Variants in PLPPR1 observed in about 807,000 individuals in gnomAD.
PLPPR1 encodes phospholipid phosphatase related 1, also known as phospholipid phosphatase-related protein type 1.
PLPPR1 carries 10 observed loss-of-function variants against 33.1 expected under a neutral mutation model. The ratio of observed to expected loss-of-function variants is 0.30; its 90% CI spans 0.19 to 0.51. PLPPR1 has a LOEUF of 0.51. PLPPR1 is among the 20% of genes least tolerant of loss of function. The probability of loss-of-function intolerance (pLI) is 0.97; values close to 1 mark genes in which losing one functional copy is unlikely to be tolerated. For synonymous variants in PLPPR1, 151 were observed against 151.0 expected, an observed-to-expected ratio of 1.00 and a Z score of 0.00; for missense variants, 304 against 408.1, an observed-to-expected ratio of 0.74 and a Z score of 2.20.
chr9:101,234,863 T>C (rs907530559), intron 2 of PLPPR1, among the ~76,000 whole-genome samples: 2 of 151,950 alleles, frequency 1.3e-5, no homozygotes, highest in Non-Finnish European at 2.9e-5. Flanking sequence ...TATTGATGTG[T>C]ATCTGTGTTT....
At chr9:101,314,601 CT>C (rs1387866816) in intron 6 of PLPPR1, among the ~76,000 whole-genome samples, 1 of 145,370 alleles carries the variant, frequency 6.9e-6, no homozygotes, top group Non-Finnish European at 1.5e-5. Context: ...AGCATTATGT[CT>C]AAAAAAAAAA....
At chr9:101,172,763 G>A (rs1002464952) in intron 1 of PLPPR1, among the ~76,000 whole-genome samples, 1 of 152,016 alleles carries the variant, frequency 6.6e-6, no homozygotes, top group Non-Finnish European at 1.5e-5. Flanking sequence ...ACCCAACTCA[G>A]GGTGATCGCT....
At chr9:101,113,256 A>C (rs1831079437) in intron 1 of PLPPR1, among the ~76,000 whole-genome samples, 1 of 151,784 alleles carries the variant, frequency 6.6e-6, no homozygotes, top group East Asian at 1.9e-4. Context: ...CTCCAGTGTG[A>C]AAACTAAATA....
intron 1 of PLPPR1, among the ~76,000 whole-genome samples, chr9:101,062,597 G>A (rs1830360586): frequency 6.6e-6 from 1 of 152,042 alleles, no homozygotes; most frequent in Admixed American, 6.6e-5. Flanking sequence ...TAGGGAACAT[G>A]TTTAGAACAT....
chr9:101,180,047 T>C (rs1213318306), intron 1 of PLPPR1, among the ~76,000 whole-genome samples: 1 of 146,222 alleles, frequency 6.8e-6, no homozygotes, highest in Non-Finnish European at 1.5e-5. Context: ...AGATGGCCTA[T>C]TGTGGGACCA....
At chr9:101,088,357 T>A (rs1230103220) in intron 1 of PLPPR1, among the ~76,000 whole-genome samples, 1 of 152,114 alleles carries the variant, frequency 6.6e-6, no homozygotes, top group Non-Finnish European at 1.5e-5. Flanking sequence ...AACGTCATGA[T>A]GTACACCTTA....
intron 2 of PLPPR1, among the ~76,000 whole-genome samples, chr9:101,264,860 T>A (rs980462895): frequency 6.6e-6 from 1 of 152,186 alleles, no homozygotes; most frequent in African/African-American, 2.4e-5. Flanking sequence ...AACTGGATTG[T>A]TGATCACCTA....
At chr9:101,284,072 G>T (rs1387178231) in intron 3 of PLPPR1, among the ~76,000 whole-genome samples, 1 of 151,810 alleles carries the variant, frequency 6.6e-6, no homozygotes, top group Non-Finnish European at 1.5e-5. Context: ...CCATATGGAG[G>T]TGCCTCAAAA....
At chr9:101,187,340 C>G (rs1031497192) in intron 2 of PLPPR1, 1 of 151,668 alleles carries the variant, frequency 6.6e-6, no homozygotes, top group East Asian at 1.9e-4. Context: ...ATTTTCAGCT[C>G]TCTAATGTGT....
intron 2 of PLPPR1, among the ~76,000 whole-genome samples, chr9:101,239,832 C>G (rs1168098976): frequency 6.6e-6 from 1 of 152,022 alleles, no homozygotes; most frequent in African/African-American, 2.4e-5. Flanking sequence ...CAAATATTTT[C>G]TCCCATTCTA....
intron 2 of PLPPR1, among the ~76,000 whole-genome samples, chr9:101,217,299 T>C (rs528125388): frequency 1.3e-5 from 2 of 152,244 alleles, no homozygotes; most frequent in East Asian, 1.9e-4. Context: ...AGGGAAATCA[T>C]AGAAAAAGAA....
At chr9:101,180,191 T>C (rs572526003) in intron 1 of PLPPR1, among the ~76,000 whole-genome samples, 4 of 135,044 alleles carry the variant, frequency 3.0e-5, no homozygotes, top group Non-Finnish European at 4.9e-5. Context: ...CACACATATA[T>C]ACACATACAC....
At chr9:101,169,166 C>G (rs1356791764) in intron 1 of PLPPR1, among the ~76,000 whole-genome samples, 1 of 152,074 alleles carries the variant, frequency 6.6e-6, no homozygotes. Flanking sequence ...AATGTCTCAT[C>G]CCTTTTGGGG....
intron 1 of PLPPR1, among the ~76,000 whole-genome samples, chr9:101,085,650 A>C (rs1830666244): frequency 6.6e-6 from 1 of 152,222 alleles, no homozygotes; most frequent in African/African-American, 2.4e-5. Context: ...GTCATAATTC[A>C]TTAACTTTTG....
At chr9:101,288,679 G>A (rs1267402135) in intron 4 of PLPPR1, among the ~76,000 whole-genome samples, 2 of 152,126 alleles carry the variant, frequency 1.3e-5, no homozygotes, top group African/African-American at 2.4e-5. Context: ...TACGCCATCT[G>A]GGAACTTGTT....
chr9:101,238,267 CTA>C (rs1294360091), intron 2 of PLPPR1, among the ~76,000 whole-genome samples: 2 of 133,596 alleles, frequency 1.5e-5, no homozygotes, highest in Non-Finnish European at 3.2e-5. Flanking sequence ...TATATACACC[CTA>C]TATATACATC....
chr9:101,237,588 T>C (rs1827329172), intron 2 of PLPPR1, among the ~76,000 whole-genome samples: 1 of 149,302 alleles, frequency 6.7e-6, no homozygotes, highest in African/African-American at 2.5e-5. Flanking sequence ...ATATATTCCA[T>C]TGTGTATTCC....
At chr9:101,245,752 A>G (rs1827583032) in intron 2 of PLPPR1, among the ~76,000 whole-genome samples, 3 of 151,792 alleles carry the variant, frequency 2.0e-5, no homozygotes, top group Admixed American at 2.0e-4. Flanking sequence ...GGAAAGACTG[A>G]GTAACCTCTA....
intron 1 of PLPPR1, among the ~76,000 whole-genome samples, chr9:101,182,327 G>T (rs1168836316): frequency 6.6e-6 from 1 of 151,590 alleles, no homozygotes; most frequent in Non-Finnish European, 1.5e-5. Context: ...ATGATCTGTT[G>T]TGCAGAATGG....
Sources: gnomAD v4.1 joint callset for allele counts (sites outside exome capture counted in the v4.1 genomes callset) on GRCh38, gnomAD v4.1.1 for gene constraint, MANE v1.5 for transcripts, NCBI Gene and HGNC (gene_info 2026-07-23, HGNC 2026-07-21) for gene names.